Variants in UNC13C observed in about 807,000 individuals in gnomAD.
UNC13C encodes unc-13 homolog C.
Under a neutral mutation model 245.4 loss-of-function variants are expected in UNC13C, and 174 were observed. That is an observed-to-expected ratio of 0.71 (90% CI 0.63 to 0.80). The LOEUF (loss-of-function observed/expected upper bound fraction) is 0.80. Ranked by LOEUF, UNC13C falls within the 30% of genes least tolerant of loss-of-function variation. The probability of loss-of-function intolerance (pLI) is 0.00; values close to 1 mark genes in which losing one functional copy is unlikely to be tolerated. For synonymous variants in UNC13C, 992 were observed against 895.1 expected, an observed-to-expected ratio of 1.11 and a Z score of -1.93; for missense variants, 2,829 against 2,602.9, an observed-to-expected ratio of 1.09 and a Z score of -1.89.
intron 2 of UNC13C, among the ~76,000 whole-genome samples, chr15:54,027,599 G>A (rs1011069639): frequency 6.6e-6 from 1 of 152,120 alleles, no homozygotes; most frequent in African/African-American, 2.4e-5. Context: ...TTGAACTCCT[G>A]ACTTCAAATG....
At chr15:53,874,575 G>C in the UNC13C span, among the ~76,000 whole-genome samples, 1 of 152,122 alleles carries the variant, frequency 6.6e-6, no homozygotes, top group African/African-American at 2.4e-5. Flanking sequence ...ACCCAGAGAG[G>C]ACAGGTGAAC....
intron 1 of UNC13C, among the ~76,000 whole-genome samples, chr15:53,998,152 T>C (rs1894719403): frequency 6.6e-6 from 1 of 152,148 alleles, no homozygotes; most frequent in Non-Finnish European, 1.5e-5. Flanking sequence ...AATCTTTCCA[T>C]TTCCATATAC....
chr15:54,323,324 GT>G (rs2038215190), intron 14 of UNC13C, among the ~76,000 whole-genome samples: 1 of 151,960 alleles, frequency 6.6e-6, no homozygotes, highest in Non-Finnish European at 1.5e-5. Context: ...AAGTATAATT[GT>G]TATTTAATGC....
At chr15:54,249,671 T>C (rs1259642622) in intron 7 of UNC13C, among the ~76,000 whole-genome samples, 1 of 152,192 alleles carries the variant, frequency 6.6e-6, no homozygotes, top group East Asian at 1.9e-4. Flanking sequence ...TATTTCCTTT[T>C]AAAATATAAA....
In UNC13C at chr15:54,206,831, C is replaced by T. The variant is rs577490009; in HGVS notation, c.3072-28199C>T. Among the ~76,000 whole-genome samples the T allele has an allele frequency of 7.9e-5, 12 of 152,132 alleles. 1 individual carries two copies. Among genetic ancestry groups the T allele is most frequent in the South Asian group, 2.1e-4 (1 of 4,824 alleles). The stretch of plus-strand genomic sequence containing the variant: ...AAAATTATAGCGAAGTGAAACTGTA[C>T]GTCAACAGCTCTTGGCTTATGAAAT... On this transcript the variant is annotated intron_variant, in intron 4 of 32. Transcript: ENST00000260323.
chr15:54,350,523 T>A (rs926506648), intron 17 of UNC13C, among the ~76,000 whole-genome samples: 3 of 152,094 alleles, frequency 2.0e-5, no homozygotes, highest in Non-Finnish European at 4.4e-5. Flanking sequence ...TAACCTCTCC[T>A]CCAACTCAAA....
intron 17 of UNC13C, among the ~76,000 whole-genome samples, chr15:54,389,547 C>A (rs1567232926): frequency 6.6e-6 from 1 of 152,052 alleles, no homozygotes; most frequent in African/African-American, 2.4e-5. Flanking sequence ...TTTGTTTAAG[C>A]AAAAATTTTG....
At chr15:54,053,109 C>A (rs1171285317) in intron 2 of UNC13C, among the ~76,000 whole-genome samples, 2 of 152,174 alleles carry the variant, frequency 1.3e-5, no homozygotes, top group East Asian at 3.9e-4. Flanking sequence ...AAATAATTCT[C>A]CTGGCTCAGC....
chr15:54,237,563 G>T (rs774489383), intron 6 of UNC13C, 56 bp from the exon 7 acceptor site: 77 of 1,301,758 alleles, frequency 5.9e-5, no homozygotes, highest in Non-Finnish European at 8.2e-5. Context: ...CTGCTGAGCA[G>T]TATATGCACG....
chr15:54,090,806 G>A (rs950180218), intron 2 of UNC13C, among the ~76,000 whole-genome samples: 3 of 152,162 alleles, frequency 2.0e-5, no homozygotes, highest in Admixed American at 6.5e-5. Context: ...GGGCTAAGTT[G>A]CCTGAGACTT....
intron 4 of UNC13C, among the ~76,000 whole-genome samples, chr15:54,172,703 GATATATATATAT>G (rs56316345): frequency 1.8e-3 from 143 of 78,392 alleles, no homozygotes; most frequent in African/African-American, 4.7e-3. Flanking sequence ...TACACACACA[GATATATATATAT>G]ATATATATAT....
the UNC13C span, chr15:53,955,811 G>C: frequency 6.6e-6 from 1 of 152,108 alleles, no homozygotes; most frequent in Non-Finnish European, 1.5e-5. Flanking sequence ...ATTTTAATCC[G>C]ATTTCACCCA....
At chr15:54,546,939 C>CT in intron 27 of UNC13C, 94 bp downstream of exon 27, 1 of 1,160,834 alleles carries the variant, frequency 8.6e-7, no homozygotes, top group Admixed American at 3.5e-5. Flanking sequence ...AATTAAATCC[C>CT]TTTGGGGAAA....
At chr15:54,428,701 T>A (rs1555462985) in intron 19 of UNC13C, among the ~76,000 whole-genome samples, 1 of 151,546 alleles carries the variant, frequency 6.6e-6, no homozygotes, top group Non-Finnish European at 1.5e-5. Flanking sequence ...AGTAAATTCC[T>A]CAGTTTAGGT....
chr15:54,179,043 A>G (rs184211803), intron 4 of UNC13C, among the ~76,000 whole-genome samples: 10 of 152,282 alleles, frequency 6.6e-5, no homozygotes, highest in African/African-American at 2.2e-4. Context: ...TCCGAAGAGG[A>G]AGCTTGGAAC....
chr15:53,941,005 G>A, the UNC13C span, among the ~76,000 whole-genome samples: 1 of 151,994 alleles, frequency 6.6e-6, no homozygotes, highest in South Asian at 2.1e-4. Flanking sequence ...CAAGACAATC[G>A]TAAACAGAAA....
intron 19 of UNC13C, among the ~76,000 whole-genome samples, chr15:54,462,816 A>ACC (rs796731743): frequency 7.2e-5 from 11 of 152,154 alleles, no homozygotes; most frequent in Admixed American, 2.0e-4. Context: ...CCCATCAACC[A>ACC]CCCAAGGGCT....
intron 18 of UNC13C, among the ~76,000 whole-genome samples, chr15:54,410,331 C>T (rs1383770898): frequency 2.6e-5 from 4 of 152,158 alleles, no homozygotes; most frequent in African/African-American, 9.7e-5. Context: ...TGTCCCTTTA[C>T]TCTGTTGATA....
intron 30 of UNC13C, among the ~76,000 whole-genome samples, chr15:54,575,310 AG>A (rs1377043113): frequency 6.6e-6 from 1 of 152,188 alleles, no homozygotes; most frequent in Non-Finnish European, 1.5e-5. Context: ...TAGGATGAAA[AG>A]TTTAAATACC....
Sources: gnomAD v4.1 joint callset for allele counts (sites outside exome capture counted in the v4.1 genomes callset) on GRCh38, gnomAD v4.1.1 for gene constraint, MANE v1.5 for transcripts, NCBI Gene and HGNC (gene_info 2026-07-23, HGNC 2026-07-21) for gene names.